ZNF195: variants seen among roughly 807,000 people sequenced by gnomAD.
ZNF195 encodes the protein zinc finger protein 195, also known as hypoxia-regulated factor-1.
Under a neutral mutation model 19.5 loss-of-function variants are expected in ZNF195, and 11 were observed. The ratio of observed to expected loss-of-function variants is 0.57; its 90% CI spans 0.36 to 0.94. The LOEUF (loss-of-function observed/expected upper bound fraction) is 0.94. ZNF195 is among the 40% of genes least tolerant of loss of function. The pLI, the probability that ZNF195 is intolerant of heterozygous loss-of-function variation, is 0.01. For missense variants in ZNF195, 582 were observed against 709.0 expected, an observed-to-expected ratio of 0.82 and a Z score of 2.03; for synonymous variants, 214 against 248.1, an observed-to-expected ratio of 0.86 and a Z score of 1.29.
chr11:3,369,105 C>T (rs1236884189), intron 3 of ZNF195: 1 of 279,492 alleles, frequency 3.6e-6, no homozygotes, highest in Non-Finnish European at 7.2e-6. Context: ...AGACAATTTA[C>T]AATCAAACTT....
intron 3 of ZNF195, among the ~76,000 whole-genome samples, chr11:3,362,346 AC>A (rs1386133925): frequency 3.3e-5 from 5 of 152,202 alleles, no homozygotes; most frequent in African/African-American, 1.2e-4. Flanking sequence ...ATTCTGTGGT[AC>A]TATAATGATG....
intron 3 of ZNF195, among the ~76,000 whole-genome samples, chr11:3,365,630 G>C (rs1011283): frequency 0.91 from 138,208 of 152,266 alleles, 62,807 homozygotes; most frequent in East Asian, 0.99. Context: ...ATTTTTTAAT[G>C]CTAAAATTAG....
intron 3 of ZNF195, chr11:3,362,698 A>C: frequency 2.5e-6 from 1 of 404,970 alleles, no homozygotes; most frequent in Non-Finnish European, 4.5e-6. Flanking sequence ...AAGCTACAAG[A>C]ATCAAGTAAA....
At chr11:3,360,844 G>C (rs780265114) in intron 4 of ZNF195, 56 bp from the exon 5 acceptor site, 10 of 1,458,826 alleles carry the variant, frequency 6.9e-6, no homozygotes, top group Admixed American at 4.1e-5. Context: ...TGCAGCCCCC[G>C]CTCCTCCGCA....
At chr11:3,373,558 T>A (rs1451534411) in intron 1 of ZNF195, 1 of 1,540,602 alleles carries the variant, frequency 6.5e-7, no homozygotes, top group Admixed American at 2.0e-5. Flanking sequence ...ACACAACCCC[T>A]GACCTGAGAT....
chr11:3,361,103 A>T (rs1848614037), intron 4 of ZNF195, among the ~76,000 whole-genome samples: 1 of 152,204 alleles, frequency 6.6e-6, no homozygotes, highest in South Asian at 2.1e-4. Context: ...ACCAGGCGAC[A>T]AGTGTATTGT....
At chr11:3,374,970 C>T (rs1849385928) in intron 1 of ZNF195, among the ~76,000 whole-genome samples, 1 of 152,228 alleles carries the variant, frequency 6.6e-6, no homozygotes, top group Non-Finnish European at 1.5e-5. Context: ...TCCCATTTAT[C>T]TGCTTTGGGG....
chr11:3,378,792 T>C (rs532156610), intron 1 of ZNF195, among the ~76,000 whole-genome samples: 1 of 152,356 alleles, frequency 6.6e-6, no homozygotes, highest in East Asian at 1.9e-4. Context: ...TCTCCCTTCC[T>C]GACTCGGGGA....
Position 3,359,020 on chromosome 11 carries a change from C to T in ZNF195, c.*98G>A, listed in dbSNP as rs114673680. On this transcript the variant is annotated 3_prime_UTR_variant, in exon 6 of 6. Transcript: ENST00000399602. The surrounding 1 kb of genome is among the most constrained non-coding windows in gnomAD (Gnocchi z 5.5). ...ATGAAAGGTCTTTCAATAGTAATTA[C>T]ATTTATGATAACTTTATTAAGTCTG... 941 of 1,365,950 alleles carry T rather than the reference C, an allele frequency of 6.9e-4. 6 individuals carry two copies. In the African/African-American group the frequency reaches 0.012, roughly 17 times the overall value. 84.6% of individuals were successfully genotyped at this position (1,365,950 alleles called of 1,614,324 possible).
chr11:3,365,070 G>T (rs1848806134), intron 3 of ZNF195, among the ~76,000 whole-genome samples: 2 of 152,124 alleles, frequency 1.3e-5, no homozygotes, highest in African/African-American at 4.8e-5. Context: ...AGCATGTAAT[G>T]GCAAAATGCG....
chr11:3,361,836 C>T lies in ZNF195; in HGVS notation c.280G>A (p.Asp94Asn), dbSNP rs752579667. The T allele has an allele frequency of 4.2e-5, 27 of 648,148 alleles. No individual in the cohort carries two copies. The highest frequency in any genetic ancestry group is 2.4e-4 in the African/African-American group (13 of 53,406). 40.1% of individuals were successfully genotyped at this position (648,148 alleles called of 1,614,324 possible). A position where few individuals can be genotyped will look rare whatever the true frequency, so the allele number is the denominator to read the frequency against. Residue 94 changes from aspartate (D) to asparagine (N), a missense_variant, in exon 4 of 6, where the codon GAT becomes AAT. This residue lies in a region of ZNF195 where 129 missense variants were observed against 112.1 expected (regional missense o/e 1.15). Coordinates refer to ENST00000399602, the MANE Select transcript of ZNF195 (RefSeq NM_001130520.3). ...QACLELLGSS[D>N]LPASASQSAG... is the part of the protein sequence containing the mutation. ...CTTTGGGAGGCTGAGGCAGGCAGAT[C>T]GCTTGAGCCCAGGAGTTCAAGACAA...
rs1204663522 is a variant in ZNF195, at chr11:3,359,011, T to C, written c.*107A>G. The C allele has an allele frequency of 5.3e-6, 7 of 1,321,552 alleles. No homozygotes were observed. The highest frequency in any genetic ancestry group is 3.0e-5 in the Admixed American group (1 of 32,888). The allele number at this position is 1,321,552 out of a possible 1,614,324, so 81.9% of individuals were successfully genotyped here. On this transcript the variant is annotated 3_prime_UTR_variant, in exon 6 of 6. Transcript: ENST00000399602. This position sits in a 1 kb window ranked among gnomAD's most constrained non-coding sequence, Gnocchi z 5.5. ...TTATATTTCATGAAAGGTCTTTCAA[T>C]AGTAATTACATTTATGATAACTTTA...
At chr11:3,372,168 C>G (rs1301390302) in intron 1 of ZNF195, among the ~76,000 whole-genome samples, 1 of 152,130 alleles carries the variant, frequency 6.6e-6, no homozygotes, top group Non-Finnish European at 1.5e-5. Context: ...TGTCAAAAAT[C>G]CTGTAAGTGG....
intron 1 of ZNF195, 130 bp downstream of exon 1, chr11:3,378,908 G>T: frequency 8.6e-7 from 1 of 1,163,512 alleles, no homozygotes; most frequent in Non-Finnish European, 1.1e-6. Context: ...GGCCGCCATG[G>T]TGCAGCTGGA....
At chr11:3,364,007 G>T (rs968450483) in intron 3 of ZNF195, among the ~76,000 whole-genome samples, 1 of 152,280 alleles carries the variant, frequency 6.6e-6, no homozygotes, top group Middle Eastern at 3.4e-3. Context: ...AAGAAAAAAA[G>T]GTTGTTAACT....
At chr11:3,371,158 T>C (rs1306770208) in intron 2 of ZNF195, 88 bp from the exon 3 acceptor site, 4 of 1,250,260 alleles carry the variant, frequency 3.2e-6, no homozygotes, top group Non-Finnish European at 4.4e-6. Context: ...GAACATTATA[T>C]AAGATTCTAG....
chr11:3,377,468 C>G (rs1484816876), intron 1 of ZNF195: 1 of 653,504 alleles, frequency 1.5e-6, no homozygotes, highest in Non-Finnish European at 2.0e-6. Context: ...AACATTCTGT[C>G]TCCCTTCACA....
chr11:3,371,431 T>C (rs1849205811), intron 2 of ZNF195, 146 bp downstream of exon 2: 1 of 963,318 alleles, frequency 1.0e-6, no homozygotes, highest in Non-Finnish European at 1.5e-6. Flanking sequence ...TTTTTTTTTT[T>C]ACATCAACTA....
intron 3 of ZNF195, chr11:3,369,598 C>A: frequency 2.7e-6 from 1 of 375,622 alleles, no homozygotes; most frequent in Non-Finnish European, 5.6e-6. Context: ...ACGTGGATGA[C>A]CCTGAAGGAC....
Sources: allele counts gnomAD v4.1 joint callset (sites outside exome capture counted in the v4.1 genomes callset), GRCh38; gene constraint gnomAD v4.1.1; regional missense constraint gnomAD v4.1.1; non-coding constraint Gnocchi (gnomAD v3.1); transcripts MANE v1.5; gene names NCBI Gene and HGNC (gene_info 2026-07-23, HGNC 2026-07-21).